CFAP54: variants seen among roughly 807,000 people sequenced by gnomAD.
The protein encoded by CFAP54 is cilia and flagella associated protein 54, also known as cilia- and flagella-associated protein 54.
Under a neutral mutation model 370.4 loss-of-function variants are expected in CFAP54, and 290 were observed. The observed-to-expected ratio is 0.78, with a 90% CI of 0.71 to 0.86. The LOEUF (loss-of-function observed/expected upper bound fraction) is 0.86, where lower values mean the gene tolerates loss of function less well. Among genes scored for constraint, CFAP54 ranks in the 40% least tolerant of loss-of-function variants. The pLI is 0.00. For synonymous variants in CFAP54, 1,206 were observed against 1,236.5 expected (o/e 0.98, Z 0.52); for missense variants, 3,399 against 3,528.7 (o/e 0.96, Z 0.93).
chr12:96,857,600 C>A (rs1959746210), intron 66 of CFAP54, among the ~76,000 whole-genome samples: 1 of 152,122 alleles, frequency 6.6e-6, no homozygotes, highest in Non-Finnish European at 1.5e-5. Flanking sequence ...CTACCCAAAT[C>A]TCATCTCAAA....
intron 11 of CFAP54, 53 bp downstream of exon 11, chr12:96,534,280 T>C: frequency 3.0e-6 from 3 of 1,011,078 alleles, no homozygotes; most frequent in South Asian, 1.7e-5. Context: ...ATATGCTCTT[T>C]TATAGATATG....
intron 17 of CFAP54, among the ~76,000 whole-genome samples, chr12:96,555,342 GTTAAT>G (rs1389995181): frequency 6.6e-6 from 1 of 151,874 alleles, no homozygotes; most frequent in Non-Finnish European, 1.5e-5. Flanking sequence ...TCAAATGCTG[GTTAAT>G]TTAAGAGTGA....
At chr12:96,712,435 TG>T (rs1304475272) in intron 48 of CFAP54, among the ~76,000 whole-genome samples, 9 of 152,188 alleles carry the variant, frequency 5.9e-5, no homozygotes, top group Admixed American at 3.9e-4. Flanking sequence ...GTGGGGTATA[TG>T]TTTTTTTATA....
At chr12:96,594,216 C>A in intron 24 of CFAP54, 75 bp from the exon 25 acceptor site, 1 of 1,032,846 alleles carries the variant, frequency 9.7e-7, no homozygotes, top group Non-Finnish European at 1.3e-6. Flanking sequence ...ATCACATTTT[C>A]TACCCATTCT....
chr12:96,799,926 T>C (rs1195198632), intron 63 of CFAP54, among the ~76,000 whole-genome samples: 1 of 152,212 alleles, frequency 6.6e-6, no homozygotes, highest in Admixed American at 6.5e-5. Context: ...ATGATATATA[T>C]TGTTAAAAAC....
At chr12:96,770,636 C>G (rs944472598) in intron 60 of CFAP54, among the ~76,000 whole-genome samples, 12 of 152,224 alleles carry the variant, frequency 7.9e-5, no homozygotes, top group Admixed American at 2.6e-4. Flanking sequence ...ATTCACACGA[C>G]AGCAGAAAGC....
rs761039476 is a variant in CFAP54, at chr12:96,708,657, T to C, written c.6578T>C (p.Ile2193Thr). The change falls in exon 48 of 68, where the codon ATT (isoleucine) becomes ACT (threonine). Residue 2193 changes from isoleucine to threonine, a missense_variant. Physicochemically the swap from Ile to Thr is moderately conservative, Grantham distance 89. Coordinates refer to ENST00000524981, the MANE Select transcript of CFAP54 (RefSeq NM_001306084.2). ...GGCTTGCCTGCAGTTCTGGTTACAA[T>C]TGGCCAACCACATCTCTTAAATAAG... The part of the protein sequence containing the change: ...NKGLPAVLVT[I>T]GQPHLLNKFN... 24 of 1,610,916 alleles carry C rather than the reference T, an allele frequency of 1.5e-5. No homozygotes were observed. The highest frequency in any genetic ancestry group is 2.0e-5 in the Non-Finnish European group (23 of 1,179,310).
At chr12:96,676,547 A>G (rs886373006) in intron 39 of CFAP54, among the ~76,000 whole-genome samples, 3 of 151,886 alleles carry the variant, frequency 2.0e-5, no homozygotes, top group Admixed American at 1.3e-4. Context: ...CTTTACTTTT[A>G]TTTAGTTATT....
chr12:96,551,216 C>A (rs1387747837), intron 15 of CFAP54, among the ~76,000 whole-genome samples: 1 of 152,088 alleles, frequency 6.6e-6, no homozygotes, highest in African/African-American at 2.4e-5. Flanking sequence ...CAAGATCGTG[C>A]CACTGTACTC....
intron 4 of CFAP54, among the ~76,000 whole-genome samples, chr12:96,512,254 G>A (rs181386435): frequency 2.1e-4 from 28 of 135,192 alleles, no homozygotes; most frequent in Admixed American, 1.5e-3. Flanking sequence ...CTTATTTGGA[G>A]ATAAATCTTT....
At chr12:96,506,116 G>A (rs1955097550) in intron 3 of CFAP54, among the ~76,000 whole-genome samples, 2 of 152,236 alleles carry the variant, frequency 1.3e-5, no homozygotes, top group South Asian at 2.1e-4. Context: ...GAGGCAGGCG[G>A]ATCACGAGGT....
Position 96,753,866 on chromosome 12 carries a change from A to T in CFAP54, c.7808A>T (p.His2603Leu). The T allele has an allele frequency of 1.9e-6, 3 of 1,613,854 alleles. No individual in the cohort carries two copies. The highest frequency in any genetic ancestry group is 2.5e-6 in the Non-Finnish European group (3 of 1,179,832). ...KLCRTTAVEE[H>L]EVEAEILFQK... ...TGTAGAACAACAGCAGTGGAGGAAC[A>T]TGAGGTGGAAGCTGAAATCCTTTTT... The change falls in exon 56 of 68, where the codon CAT becomes CTT. Residue 2603 changes from histidine to leucine, a missense_variant. Physicochemically the swap from His to Leu is moderately conservative, Grantham distance 99 (BLOSUM62 -3). Transcript: ENST00000524981.
At position 96,570,235 on chromosome 12, in the gene CFAP54, A is replaced by T. The variant is rs550287002; in HGVS notation, c.2619+5470A>T. ...GGGGTCCGCTTTCCTCAGTCTCCCA[A>T]AGTGCTGGGACTACAGGCATGAGCC... is the stretch of plus-strand genomic sequence containing the variant. On this transcript the variant is annotated intron_variant, in intron 19 of 67. Transcript: ENST00000524981. 1.1e-4 allele frequency among the ~76,000 whole-genome samples: 17 copies of T among 151,982 alleles called. No individual in the cohort carries two copies. The South Asian group carries it at 3.5e-3, about 32-fold the overall frequency.
chr12:96,764,053 C>A, intron 58 of CFAP54, 98 bp from the exon 59 acceptor site: 1 of 692,246 alleles, frequency 1.4e-6, no homozygotes, highest in Non-Finnish European at 2.4e-6. Flanking sequence ...CATTATTATC[C>A]TTAGTGACTA....
chr12:96,847,911 A>T (rs974689254), intron 66 of CFAP54, among the ~76,000 whole-genome samples: 2 of 152,250 alleles, frequency 1.3e-5, no homozygotes, highest in African/African-American at 4.8e-5. Flanking sequence ...TGACAATGAC[A>T]ATGGTAGTGA....
At chr12:96,596,655 T>A (rs1956182716) in intron 25 of CFAP54, among the ~76,000 whole-genome samples, 1 of 151,948 alleles carries the variant, frequency 6.6e-6, no homozygotes. Flanking sequence ...GTCCGGGGTT[T>A]GGGGGGAAAC....
At chr12:96,651,505 T>C (rs1431148207) in intron 35 of CFAP54, 83 bp from the exon 36 acceptor site, 9 of 1,106,792 alleles carry the variant, frequency 8.1e-6, no homozygotes, top group Middle Eastern at 2.1e-4. Context: ...TATTGACACA[T>C]AATATTTGGA....
At chr12:96,809,028 T>C (rs1309999947) in intron 63 of CFAP54, among the ~76,000 whole-genome samples, 1 of 152,200 alleles carries the variant, frequency 6.6e-6, no homozygotes, top group Non-Finnish European at 1.5e-5. Flanking sequence ...GTGAGGGGCA[T>C]TATTCCACTT....
intron 19 of CFAP54, among the ~76,000 whole-genome samples, chr12:96,573,644 A>G (rs1323549266): frequency 6.6e-6 from 1 of 152,120 alleles, no homozygotes; most frequent in African/African-American, 2.4e-5. Flanking sequence ...TCCATTTGTT[A>G]TAATTTTTAA....
Sources: allele counts gnomAD v4.1 joint callset (sites outside exome capture counted in the v4.1 genomes callset), GRCh38; gene constraint gnomAD v4.1.1; transcripts MANE v1.5; gene names NCBI Gene and HGNC (gene_info 2026-07-23, HGNC 2026-07-21).